Variants in FAXDC2 observed in about 807,000 individuals in gnomAD.
The protein encoded by FAXDC2 is fatty acid hydroxylase domain containing 2.
In FAXDC2, 41 loss-of-function variants were observed where a neutral mutation model predicts 40.9. The ratio of observed to expected loss-of-function variants is 1.00; its 90% CI spans 0.78 to 1.30. FAXDC2 has a LOEUF of 1.30. Ranked by LOEUF, FAXDC2 falls within the 50% of genes most tolerant of loss-of-function variation. The pLI, the probability that FAXDC2 is intolerant of heterozygous loss-of-function variation, is 0.00. For synonymous variants in FAXDC2, 157 were observed against 149.3 expected, an observed-to-expected ratio of 1.05 and a Z score of -0.38; for missense variants, 390 against 408.8, an observed-to-expected ratio of 0.95 and a Z score of 0.40.
At chr5:154,830,669 C>T in intron 5 of FAXDC2, 132 bp downstream of exon 5, 1 of 1,020,750 alleles carries the variant, frequency 9.8e-7, no homozygotes, top group Non-Finnish European at 1.5e-6. Flanking sequence ...ACCTTCTAAA[C>T]TGGGGGAGCC....
At position 154,823,545 on chromosome 5, in the gene FAXDC2, G is replaced by T. The variant is rs138784133; in HGVS notation, c.414C>A (p.Asn138Lys). ...CCATGGGGAAAGATATCATGCACTG[G>T]TTGAAAAGAACTGTGCGGATAGACT... ...LRQSIRTVLF[N>K]QCMISFPMVV... The change falls in exon 6 of 9, where the codon AAC (asparagine) becomes AAA (lysine). Residue 138 changes from asparagine to lysine, a missense_variant. Physicochemically the swap from Asn to Lys is moderately conservative, Grantham distance 94 (BLOSUM62 0). Coordinates refer to ENST00000326080, the MANE Select transcript of FAXDC2 (RefSeq NM_032385.5). The T allele has an allele frequency of 6.2e-7, 1 of 1,614,218 alleles. No homozygotes were observed. Among genetic ancestry groups the T allele is most frequent in the South Asian group, 1.1e-5 (1 of 91,090 alleles).
intron 2 of FAXDC2, among the ~76,000 whole-genome samples, chr5:154,835,976 C>T (rs150980597): frequency 0.011 from 1,662 of 149,480 alleles, 31 homozygotes; most frequent in African/African-American, 0.039. Context: ...CTGCAACCTC[C>T]GCCTCCAGGG....
chr5:154,818,815 T>C lies in FAXDC2; in HGVS notation c.*1501A>G, dbSNP rs1759799563. ...GATGGACTTTTTTCCAAATGTTTAT[T>C]TGTAGGAAGAGGTGATGAGTGCAGG... On this transcript the variant is annotated 3_prime_UTR_variant, in exon 9 of 9. Transcript: ENST00000326080. 7 of 152,242 alleles carry C rather than the reference T, an allele frequency of 4.6e-5. 1 individual carries two copies. Among genetic ancestry groups the C allele is most frequent in the Admixed American group, 4.6e-4 (7 of 15,286 alleles). 9.4% of individuals were successfully genotyped at this position (152,242 alleles called of 1,614,324 possible).
intron 4 of FAXDC2, among the ~76,000 whole-genome samples, chr5:154,834,366 T>C (rs1760265881): frequency 6.6e-6 from 1 of 152,204 alleles, no homozygotes; most frequent in Non-Finnish European, 1.5e-5. Flanking sequence ...TAAATGTGCA[T>C]TCATTTTTAC....
At chr5:154,826,527 TAAA>T (rs764669604) in intron 5 of FAXDC2, among the ~76,000 whole-genome samples, 1 of 101,490 alleles carries the variant, frequency 9.9e-6, no homozygotes. Flanking sequence ...AGACTGTCTC[TAAA>T]AAAAAAAAAA....
intron 1 of FAXDC2, chr5:154,838,445 A>G (rs1760406304): frequency 2.2e-6 from 1 of 445,854 alleles, no homozygotes; most frequent in East Asian, 4.6e-5. Flanking sequence ...AAAATGTATG[A>G]TAATGCTTTT....
At chr5:154,823,010 C>G (rs1048210458) in intron 6 of FAXDC2, among the ~76,000 whole-genome samples, 1 of 151,780 alleles carries the variant, frequency 6.6e-6, no homozygotes, top group Non-Finnish European at 1.5e-5. Context: ...GAAGCCTGTT[C>G]CCTTTTATTT....
chr5:154,823,712 A>G, intron 5 of FAXDC2, 120 bp from the exon 6 acceptor site: 1 of 774,168 alleles, frequency 1.3e-6, no homozygotes, highest in Non-Finnish European at 2.1e-6. Flanking sequence ...GGGGACAGCC[A>G]GTAGCTCCTG....
intron 1 of FAXDC2, among the ~76,000 whole-genome samples, chr5:154,845,972 A>T (rs1048785545): frequency 1.5e-4 from 22 of 150,180 alleles, no homozygotes; most frequent in African/African-American, 2.7e-4. Flanking sequence ...ATATATATAT[A>T]TATTTTTTTT....
intron 1 of FAXDC2, among the ~76,000 whole-genome samples, chr5:154,847,032 T>C (rs1018287415): frequency 6.6e-6 from 1 of 152,118 alleles, no homozygotes; most frequent in African/African-American, 2.4e-5. Context: ...GGCTCAATCA[T>C]AGCTCACTGC....
At chr5:154,848,115 A>T (rs762450835) in intron 1 of FAXDC2, among the ~76,000 whole-genome samples, 1 of 152,238 alleles carries the variant, frequency 6.6e-6, no homozygotes, top group Admixed American at 6.5e-5. Flanking sequence ...CTGGGATTAC[A>T]GGCGTGAGCC....
rs17116470 is a variant in FAXDC2 at position 154,821,040 on chromosome 5, A to G, written c.845+220T>C. The G allele has an allele frequency of 9.7e-4, 525 of 541,792 alleles. 1 individual carries two copies. The highest frequency in any genetic ancestry group is 9.5e-3 in the African/African-American group (480 of 50,480). 33.6% of individuals were successfully genotyped at this position (541,792 alleles called of 1,614,324 possible). On this transcript the variant is annotated intron_variant, in intron 8 of 8. Coordinates refer to ENST00000326080, the MANE Select transcript of FAXDC2 (RefSeq NM_032385.5). Reference sequence around the variant, plus strand: ...TGTCCAGAGCTTATTCAAAGGGCCCAGAGTCCAAATAAAGGTTTAAAACCC... The same window carrying G: ...TGTCCAGAGCTTATTCAAAGGGCCCGGAGTCCAAATAAAGGTTTAAAACCC...
At chr5:154,828,698 G>A (rs1760106629) in intron 5 of FAXDC2, among the ~76,000 whole-genome samples, 1 of 151,630 alleles carries the variant, frequency 6.6e-6, no homozygotes, top group Non-Finnish European at 1.5e-5. Context: ...CTAGGTTCAA[G>A]TGATCCTCCT....
intron 4 of FAXDC2, among the ~76,000 whole-genome samples, chr5:154,833,255 T>C (rs2113147883): frequency 6.6e-6 from 1 of 152,040 alleles, no homozygotes; most frequent in Non-Finnish European, 1.5e-5. Flanking sequence ...CAGGCTGGTC[T>C]TGAATTCCTG....
At position 154,820,457 on chromosome 5, in the gene FAXDC2, A is replaced by G. The variant is rs775414449; in HGVS notation, c.861T>C (p.Tyr287=). The change falls in exon 9 of 9, where the codon TAT becomes TAC. Residue 287 remains tyrosine (Y), a synonymous_variant. Coordinates refer to ENST00000326080, the MANE Select transcript of FAXDC2 (RefSeq NM_032385.5). ...DYHHLKFNQC[Y]GVLGVLDHLH... ...GGTGGTCCAGCACACCCAGCACCCCATAGCACTGGTTGAACCTAGAAGAGA... is the reference window on the plus strand; with the variant it reads ...GGTGGTCCAGCACACCCAGCACCCCGTAGCACTGGTTGAACCTAGAAGAGA... The G allele has an allele frequency of 6.2e-7, 1 of 1,611,924 alleles. No individual in the cohort carries two copies. The highest frequency in any genetic ancestry group is 1.3e-5 in the African/African-American group (1 of 74,914).
At chr5:154,828,923 T>C (rs1192976286) in intron 5 of FAXDC2, among the ~76,000 whole-genome samples, 33 of 21,568 alleles carry the variant, frequency 1.5e-3, no homozygotes, top group African/African-American at 7.8e-3. Context: ...TCTTTTTTTC[T>C]TTTTTTTTTT....
chr5:154,848,695 G>A (rs1446347602), intron 1 of FAXDC2, among the ~76,000 whole-genome samples: 7 of 152,212 alleles, frequency 4.6e-5, no homozygotes, highest in Admixed American at 6.5e-5. Flanking sequence ...GGCCAGGAGC[G>A]GTGGCTCGCA....
intron 4 of FAXDC2, 144 bp downstream of exon 4, chr5:154,834,481 G>T: frequency 1.6e-6 from 1 of 630,358 alleles, no homozygotes; most frequent in East Asian, 2.9e-5. Context: ...AGTATTCTTT[G>T]GGACTACCAC....
chr5:154,838,884 C>T (rs1305041862), intron 1 of FAXDC2: 1 of 152,176 alleles, frequency 6.6e-6, no homozygotes, highest in East Asian at 1.9e-4. Flanking sequence ...TTTAGTATTA[C>T]TTGTTGGTTG....
Sources: allele counts gnomAD v4.1 joint callset (sites outside exome capture counted in the v4.1 genomes callset), GRCh38; gene constraint gnomAD v4.1.1; transcripts MANE v1.5; gene names NCBI Gene and HGNC (gene_info 2026-07-23, HGNC 2026-07-21).